CDH11: variants seen among roughly 807,000 people sequenced by gnomAD.
CDH11 encodes the protein cadherin 11.
In CDH11, 11 loss-of-function variants were observed where a neutral mutation model predicts 67.8. The observed-to-expected ratio is 0.16, with a 90% CI of 0.10 to 0.27. CDH11 has a LOEUF of 0.27. Ranked by LOEUF, CDH11 falls within the 10% of genes least tolerant of loss-of-function variation. The pLI, the probability that CDH11 is intolerant of heterozygous loss-of-function variation, is 1.00. For synonymous variants in CDH11, 419 were observed against 400.0 expected (o/e 1.05, Z -0.57); for missense variants, 847 against 1,031.2 (o/e 0.82, Z 2.45).
Position 64,945,301 on chromosome 16 carries a change from T to TAAAAAAAAAAAAAAAAAAAAAAAAGA in CDH11, c.*2301_*2302insTCTTTTTTTTTTTTTTTTTTTTTTTT, listed in dbSNP as rs3046001. The TAAAAAAAAAAAAAAAAAAAAAAAAGA allele has an allele frequency of 2.7e-6, 1 of 371,900 alleles. No individual in the cohort carries two copies. The highest frequency in any genetic ancestry group is 7.7e-5 in the Admixed American group (1 of 12,948). The allele number at this position is 371,900 out of a possible 1,614,324, so 23.0% of individuals were successfully genotyped here. A position where few individuals can be genotyped will look rare whatever the true frequency, so the allele number is the denominator to read the frequency against. On this transcript the variant is annotated 3_prime_UTR_variant, in exon 13 of 13. Coordinates refer to ENST00000268603, the MANE Select transcript of CDH11 (RefSeq NM_001797.4). ...AGAGGCTTAACGAAAAAATAAAAGG[T>TAAAAAAAAAAAAAAAAAAAAAAAAGA]AAAAAAAAAAAAAAAAAAGAAAAAG... is the stretch of plus-strand genomic sequence containing the variant.
intron 2 of CDH11, among the ~76,000 whole-genome samples, chr16:65,006,027 GC>G (rs1475735138): frequency 7.2e-5 from 11 of 152,144 alleles, no homozygotes; most frequent in Admixed American, 2.0e-4. Flanking sequence ...CTTAACTTCT[GC>G]CTTGGGTTCT....
At chr16:64,973,813 AAAAAAGAC>A (rs914702066) in intron 8 of CDH11, among the ~76,000 whole-genome samples, 1 of 152,064 alleles carries the variant, frequency 6.6e-6, no homozygotes, top group African/African-American at 2.4e-5. Context: ...CTCAGGAAAA[AAAAAAGAC>A]AAAAGAAAAA....
At chr16:65,120,523 A>AG (rs1201943062) in intron 1 of CDH11, among the ~76,000 whole-genome samples, 13 of 152,300 alleles carry the variant, frequency 8.5e-5, no homozygotes, top group Admixed American at 3.9e-4. Flanking sequence ...CGATTTCTTT[A>AG]GGGGGAGACG....
chr16:65,040,929 T>G (rs2073856016), intron 2 of CDH11, among the ~76,000 whole-genome samples: 1 of 152,180 alleles, frequency 6.6e-6, no homozygotes, highest in African/African-American at 2.4e-5. Flanking sequence ...TGTGCACATA[T>G]CACCAATATC....
At position 64,947,113 on chromosome 16, in the gene CDH11, C is replaced by G. The variant is rs2142361636; in HGVS notation, c.*490G>C. ...AGACATAATTGTACATTGTATTGTA[C>G]ATACATTGTATGGGTTTAAGCTGGC... On this transcript the variant is annotated 3_prime_UTR_variant, in exon 13 of 13. Transcript: ENST00000268603. The G allele has an allele frequency of 1.9e-6, 2 of 1,029,030 alleles. No individual in the cohort carries two copies. Among genetic ancestry groups the G allele is most frequent in the East Asian group, 1.2e-4 (2 of 16,736 alleles). 63.7% of individuals were successfully genotyped at this position (1,029,030 alleles called of 1,614,324 possible).
chr16:64,988,661 T>G (rs2072552420), intron 6 of CDH11, among the ~76,000 whole-genome samples: 1 of 152,168 alleles, frequency 6.6e-6, no homozygotes, highest in Admixed American at 6.5e-5. Context: ...ATGCATGTCT[T>G]CATTTAGCAA....
Position 64,958,770 on chromosome 16 carries a change from CA to C in CDH11, c.1643-7753del, listed in dbSNP as rs967048608. ...AATTCCATCATAGCCTATAATTAGACAAAAAAAAGAAAAACTCAGTTTCTAG... is the reference window on the plus strand; with the variant it reads ...AATTCCATCATAGCCTATAATTAGACAAAAAAAGAAAAACTCAGTTTCTAG... On this transcript the variant is annotated intron_variant, in intron 11 of 12. Transcript: ENST00000268603. Among the ~76,000 whole-genome samples the C allele has an allele frequency of 1.7e-4, 25 of 151,250 alleles. 1 individual carries two copies. In the Middle Eastern group the frequency reaches 0.017, roughly 104 times the overall value.
At chr16:65,087,485 G>T (rs945204379) in intron 1 of CDH11, among the ~76,000 whole-genome samples, 1 of 152,154 alleles carries the variant, frequency 6.6e-6, no homozygotes, top group African/African-American at 2.4e-5. Flanking sequence ...TACATCACAT[G>T]CTGCTGCAGG....
At chr16:65,021,931 T>C (rs1254738958) in intron 2 of CDH11, among the ~76,000 whole-genome samples, 1 of 142,894 alleles carries the variant, frequency 7.0e-6, no homozygotes, top group African/African-American at 2.6e-5. Context: ...AAGCTGTCCA[T>C]GGAGGGGTAA....
In CDH11 at chr16:64,947,544, C is replaced by T; in HGVS notation, c.*59G>A. On this transcript the variant is annotated 3_prime_UTR_variant, in exon 13 of 13. Transcript: ENST00000268603. ...TTTAAAAAAATACCTGTTTACACAT[C>T]TTCTAGATTCTTGAGAACGCCAGAC... is the stretch of plus-strand genomic sequence containing the variant. The T allele has an allele frequency of 1.9e-6, 3 of 1,540,244 alleles. No homozygotes were observed. In the South Asian group the frequency reaches 3.8e-5, roughly 20 times the overall value.
chr16:65,079,470 C>G (rs755293882), intron 1 of CDH11, among the ~76,000 whole-genome samples: 35 of 152,054 alleles, frequency 2.3e-4, no homozygotes, highest in Non-Finnish European at 1.3e-4. Flanking sequence ...TTACCTTACA[C>G]TATTGTGTAT....
chr16:65,024,120 T>C (rs768222991), intron 2 of CDH11, among the ~76,000 whole-genome samples: 1 of 152,202 alleles, frequency 6.6e-6, no homozygotes, highest in Non-Finnish European at 1.5e-5. Context: ...GCCTTTCCTT[T>C]GGATGACACT....
chr16:65,069,855 C>A (rs1171386051), intron 1 of CDH11, among the ~76,000 whole-genome samples: 3 of 152,098 alleles, frequency 2.0e-5, no homozygotes, highest in Admixed American at 2.0e-4. Context: ...ATCAGTTGAC[C>A]ACCAATTGCA....
chr16:64,968,985 C>T (rs892725493), intron 11 of CDH11, among the ~76,000 whole-genome samples: 1 of 152,088 alleles, frequency 6.6e-6, no homozygotes, highest in Admixed American at 6.5e-5. Flanking sequence ...TTTTCATTAA[C>T]TGTTTGCCAT....
intron 1 of CDH11, among the ~76,000 whole-genome samples, chr16:65,079,133 G>C (rs1037563951): frequency 7.2e-5 from 11 of 152,098 alleles, no homozygotes; most frequent in African/African-American, 2.7e-4. Flanking sequence ...CCAGGTGTGA[G>C]GGACACAATG....
chr16:65,037,433 T>C (rs969450357), intron 2 of CDH11, among the ~76,000 whole-genome samples: 2 of 152,170 alleles, frequency 1.3e-5, no homozygotes, highest in Admixed American at 6.5e-5. Context: ...CCTGGATATT[T>C]GGAACTGTGT....
intron 1 of CDH11, among the ~76,000 whole-genome samples, chr16:65,093,801 A>T (rs938683606): frequency 6.6e-6 from 1 of 152,204 alleles, no homozygotes; most frequent in Admixed American, 6.5e-5. Context: ...TCTTATACGT[A>T]CTATAATGCA....
rs563299959 is a variant in CDH11, at chr16:64,950,867, G to A, written c.1794C>T (p.Asn598=). 3.1e-6 allele frequency: 5 copies of A among 1,614,194 alleles called. No homozygotes were observed. The highest frequency in any genetic ancestry group is 2.2e-5 in the South Asian group (2 of 91,084). ...LTIKVCGCDV[N]GALLSCNAEA... ...CTGCGTTGCAGGAGAGCAGTGCCCCGTTCACGTCGCACCCGCAGACTTTGA... is the reference window on the plus strand; with the variant it reads ...CTGCGTTGCAGGAGAGCAGTGCCCCATTCACGTCGCACCCGCAGACTTTGA... The change falls in exon 12 of 13, where the codon AAC becomes AAT. Residue 598 remains asparagine, a synonymous_variant. Coordinates refer to ENST00000268603, the MANE Select transcript of CDH11 (RefSeq NM_001797.4).
At chr16:65,118,872 T>C (rs2075283714) in intron 1 of CDH11, 1 of 152,228 alleles carries the variant, frequency 6.6e-6, no homozygotes, top group African/African-American at 2.4e-5. Context: ...GTTATGTTTC[T>C]CCAACATCTA....
Sources: allele counts gnomAD v4.1 joint callset (sites outside exome capture counted in the v4.1 genomes callset), GRCh38; gene constraint gnomAD v4.1.1; transcripts MANE v1.5; gene names NCBI Gene and HGNC (gene_info 2026-07-23, HGNC 2026-07-21).